The following ATM variants were observed in gnomAD, a reference collection of about 807,000 sequenced individuals.
ATM encodes serine-protein kinase ATM.
In ATM, 308 loss-of-function variants were observed where a neutral mutation model predicts 387.0. The observed-to-expected ratio is 0.80, with a 90% CI of 0.73 to 0.87. The LOEUF is 0.87. ATM is among the 40% of genes least tolerant of loss of function. The probability of loss-of-function intolerance (pLI) is 0.00; values close to 1 mark genes in which losing one functional copy is unlikely to be tolerated. For missense variants in ATM, 3,312 were observed against 3,560.9 expected (o/e 0.93, Z 1.78); for synonymous variants, 1,156 against 1,187.3 (o/e 0.97, Z 0.54).
At chr11:108,308,342 A>T (rs2083854850) in intron 38 of ATM, among the ~76,000 whole-genome samples, 1 of 152,192 alleles carries the variant, frequency 6.6e-6, no homozygotes, top group South Asian at 2.1e-4. Flanking sequence ...CTTTAGTTCT[A>T]AGAAGTAAAT....
chr11:108,284,362 T>C lies in ATM; in HGVS notation c.3882T>C (p.Ile1294=), dbSNP rs1167387894. The C allele has an allele frequency of 1.9e-6, 3 of 1,614,044 alleles. No individual in the cohort carries two copies. ...GCTTTCCAAAGATTCTTGTAAATAT[T>C]CTTCCTTATTTTGCCTATGAGGGTA... ...TDCFPKILVN[I]LPYFAYEGTR... is the part of the protein sequence containing the mutation. The change falls in exon 26 of 63, where the codon ATT becomes ATC. Residue 1294 remains isoleucine (I), a synonymous_variant. Transcript: ENST00000675843.
rs140544363 is a variant in ATM, at chr11:108,240,568, T to A, written c.497-3385T>A. On this transcript the variant is annotated intron_variant, in intron 5 of 62. Coordinates refer to ENST00000675843, the MANE Select transcript of ATM (RefSeq NM_000051.4). ...CTGCACTACAAACCTGTGCAGCATG[T>A]TACTATACTGAATACTGTAGGCAGC... is the stretch of plus-strand genomic sequence containing the variant. Among the ~76,000 whole-genome samples, 18 of 152,326 alleles carry A rather than the reference T, an allele frequency of 1.2e-4. No homozygotes were observed. The East Asian group carries it at 3.5e-3, about 29-fold the overall frequency.
At chr11:108,243,563 A>G (rs2079672315) in intron 5 of ATM, among the ~76,000 whole-genome samples, 1 of 152,202 alleles carries the variant, frequency 6.6e-6, no homozygotes, top group South Asian at 2.1e-4. Context: ...CAGTGAGCCA[A>G]GATTGCACCA....
chr11:108,327,014 G>A (rs1189631658), intron 47 of ATM, among the ~76,000 whole-genome samples: 1 of 152,104 alleles, frequency 6.6e-6, no homozygotes, highest in Non-Finnish European at 1.5e-5. Flanking sequence ...TTTTAGTAGA[G>A]ATGGGGTTTC....
At chr11:108,305,416 C>T (rs1318125278) in intron 37 of ATM, among the ~76,000 whole-genome samples, 1 of 152,020 alleles carries the variant, frequency 6.6e-6, no homozygotes. Flanking sequence ...CCCGTCCCTA[C>T]TAAAAATACA....
Position 108,268,505 on chromosome 11 carries a change from C to T in ATM, c.2734C>T (p.Gln912Ter), listed in dbSNP as rs764409952. 1 of 1,614,052 alleles carries T rather than the reference C, an allele frequency of 6.2e-7. No individual in the cohort carries two copies. The highest frequency in any genetic ancestry group is 8.5e-7 in the Non-Finnish European group (1 of 1,179,988). Residue 912 changes from glutamine (Q) to a stop codon, truncating the protein, a stop_gained, in exon 18 of 63, where the codon CAG becomes TAG. Coordinates refer to ENST00000675843, the MANE Select transcript of ATM (RefSeq NM_000051.4). LOFTEE classifies it high-confidence loss of function. The stretch of plus-strand genomic sequence containing the variant: ...CTTGTGTTTGTGTGTAACTACTGCT[C>T]AGACCAATACTGTGTCCTTTAGGGC... ...KFLCLCVTTA[Q>*]TNTVSFRAAD... is the part of the protein sequence containing the mutation.
intron 4 of ATM, chr11:108,231,708 A>AG (rs1196068740): frequency 6.6e-6 from 1 of 151,750 alleles, no homozygotes; most frequent in Non-Finnish European, 1.5e-5. Context: ...AAAAAAAAAA[A>AG]AAAAAAAAAA....
At chr11:108,365,259 G>A (rs1442055548) in intron 62 of ATM, 41 bp downstream of exon 62, 2 of 1,614,184 alleles carry the variant, frequency 1.2e-6, no homozygotes, top group Non-Finnish European at 1.7e-6. Flanking sequence ...CAGTTTTTCA[G>A]ATTTTCTTAT....
intron 12 of ATM, among the ~76,000 whole-genome samples, chr11:108,253,401 A>C (rs2080262370): frequency 6.6e-6 from 1 of 152,262 alleles, no homozygotes; most frequent in South Asian, 2.1e-4. Context: ...CTCCCTCAAG[A>C]GGGCAAAAGG....
chr11:108,327,193 T>G (rs572923292), intron 47 of ATM, among the ~76,000 whole-genome samples: 1 of 152,306 alleles, frequency 6.6e-6, no homozygotes, highest in East Asian at 1.9e-4. Flanking sequence ...GAAATCATTA[T>G]ACCAAAGCAC....
intron 31 of ATM, among the ~76,000 whole-genome samples, chr11:108,294,382 C>T (rs1423863630): frequency 6.6e-6 from 1 of 152,068 alleles, no homozygotes; most frequent in African/African-American, 2.4e-5. Context: ...TTAAGCATTT[C>T]CTTCCAGTTG....
chr11:108,315,305 C>T (rs1324439645), intron 40 of ATM, among the ~76,000 whole-genome samples: 1 of 152,162 alleles, frequency 6.6e-6, no homozygotes, highest in Non-Finnish European at 1.5e-5. Context: ...TGATTTAATA[C>T]TGCATCTTTA....
At chr11:108,271,222 G>A (rs557058487) in intron 19 of ATM, 29 bp from the exon 20 acceptor site, 1 of 1,605,950 alleles carries the variant, frequency 6.2e-7, no homozygotes, top group Admixed American at 1.7e-5. Context: ...AGCTTATAAA[G>A]TTGAACTTTT....
rs1163894901 is a variant in ATM at position 108,234,661 on chromosome 11, A to G, written c.332-1009A>G. Among the ~76,000 whole-genome samples the G allele has an allele frequency of 6.6e-6, 1 of 152,050 alleles. No homozygotes were observed. The highest frequency in any genetic ancestry group is 2.4e-5 in the African/African-American group (1 of 41,388). ...AGACCAGCCTGGGGAACATTGTGAG[A>G]GATTCTGTCTCTATGAAAAATTTAA... On this transcript the variant is annotated intron_variant, in intron 4 of 62. Transcript: ENST00000675843.
At chr11:108,352,155 T>C (rs1182861793) in intron 59 of ATM, among the ~76,000 whole-genome samples, 1 of 152,194 alleles carries the variant, frequency 6.6e-6, no homozygotes, top group Non-Finnish European at 1.5e-5. Flanking sequence ...ATCTCAACTT[T>C]AATGAAAAAT....
chr11:108,227,718 A>G (rs761358619), intron 2 of ATM, 22 bp downstream of exon 2: 11 of 1,593,644 alleles, frequency 6.9e-6, no homozygotes, highest in South Asian at 2.2e-5. Flanking sequence ...CTTAAATTCA[A>G]TTTTTCCTTG....
chr11:108,316,000 T>C lies in ATM; in HGVS notation c.6096-11T>C, dbSNP rs1408263801. ...AAAACCCAAAGCTATTTTCACAATC[T>C]TTTCTTATAGACTACGAACATATGA... On this transcript the variant is annotated splice_polypyrimidine_tract_variant and intron_variant, in intron 41 of 62. Coordinates refer to ENST00000675843, the MANE Select transcript of ATM (RefSeq NM_000051.4). 1 of 1,613,774 alleles carries C rather than the reference T, an allele frequency of 6.2e-7. No individual in the cohort carries two copies. Among genetic ancestry groups the C allele is most frequent in the East Asian group, 2.2e-5 (1 of 44,854 alleles).
At chr11:108,247,570 A>G (rs561248386) in intron 8 of ATM, among the ~76,000 whole-genome samples, 63 of 152,232 alleles carry the variant, frequency 4.1e-4, no homozygotes, top group African/African-American at 1.5e-3. Context: ...TACAACCATC[A>G]TCACTAATTC....
At chr11:108,232,679 A>G (rs935161770) in intron 4 of ATM, among the ~76,000 whole-genome samples, 2 of 151,464 alleles carry the variant, frequency 1.3e-5, no homozygotes, top group African/African-American at 4.9e-5. Context: ...AGCTGGGACT[A>G]TAGGCACACG....
Sources: allele counts gnomAD v4.1 joint callset (sites outside exome capture counted in the v4.1 genomes callset), GRCh38; gene constraint gnomAD v4.1.1; transcripts MANE v1.5; gene names NCBI Gene and HGNC (gene_info 2026-07-23, HGNC 2026-07-21).